SAMMSON: variants seen among roughly 807,000 people sequenced by gnomAD.
SAMMSON encodes the protein survival associated mitochondrial melanoma specific oncogenic non-coding RNA.
At chr3:70,042,829 C>G (rs1478099409) in intron 3 of SAMMSON, among the ~76,000 whole-genome samples, 9 of 151,988 alleles carry the variant, frequency 5.9e-5, no homozygotes, top group African/African-American at 9.7e-5. Context: ...GAAAGGAGTC[C>G]AAAATAGCTG....
intron 3 of SAMMSON, among the ~76,000 whole-genome samples, chr3:70,022,937 A>G (rs747709528): frequency 2.0e-5 from 3 of 152,180 alleles, no homozygotes; most frequent in Non-Finnish European, 4.4e-5. Context: ...GTGAAGAAAA[A>G]GTTGGGTTGG....
At chr3:70,073,338 C>T (rs150061790) in intron 4 of SAMMSON, among the ~76,000 whole-genome samples, 2,319 of 152,010 alleles carry the variant, frequency 0.015, 32 homozygotes, top group Middle Eastern at 0.051. Flanking sequence ...ATATTCAAGC[C>T]GTGGAGAAAA....
At chr3:70,335,127 A>G (rs879054376) in intron 7 of SAMMSON, among the ~76,000 whole-genome samples, 2 of 151,854 alleles carry the variant, frequency 1.3e-5, no homozygotes, top group African/African-American at 2.4e-5. Context: ...CATTCTTTAG[A>G]TAAGTAAACA....
intron 6 of SAMMSON, among the ~76,000 whole-genome samples, chr3:70,268,248 A>AT (rs1369942784): frequency 6.6e-6 from 1 of 152,084 alleles, no homozygotes; most frequent in Non-Finnish European, 1.5e-5. Flanking sequence ...AGGCAGGCAG[A>AT]TTGCCTGAGC....
chr3:70,072,737 C>T (rs1458486024), intron 4 of SAMMSON: 6 of 148,260 alleles, frequency 4.0e-5, no homozygotes, highest in Non-Finnish European at 6.0e-5. Flanking sequence ...AAACAAATGA[C>T]AAAGTTAGCA....
At chr3:70,040,812 A>G (rs2067103410) in intron 3 of SAMMSON, among the ~76,000 whole-genome samples, 1 of 152,130 alleles carries the variant, frequency 6.6e-6, no homozygotes, top group Admixed American at 6.6e-5. Flanking sequence ...TCTCAACTTC[A>G]TTTTTGTATG....
chr3:70,305,057 C>T (rs550800583), intron 7 of SAMMSON, among the ~76,000 whole-genome samples: 2 of 152,250 alleles, frequency 1.3e-5, no homozygotes, highest in East Asian at 1.9e-4. Flanking sequence ...AACTTTCCCA[C>T]AGAGAGAACT....
At chr3:70,268,963 C>A (rs1399536788) in intron 6 of SAMMSON, among the ~76,000 whole-genome samples, 2 of 151,826 alleles carry the variant, frequency 1.3e-5, no homozygotes, top group Non-Finnish European at 2.9e-5. Flanking sequence ...TCCTTTGAAC[C>A]AGGAAAAATC....
chr3:70,048,672 A>G (rs1158744507), intron 3 of SAMMSON, among the ~76,000 whole-genome samples: 3 of 152,096 alleles, frequency 2.0e-5, no homozygotes, highest in African/African-American at 2.4e-5. Flanking sequence ...ACCTATAACT[A>G]TTAATATTAT....
intron 9 of SAMMSON, among the ~76,000 whole-genome samples, chr3:70,364,325 G>T (rs1192391295): frequency 6.6e-6 from 1 of 151,870 alleles, no homozygotes; most frequent in African/African-American, 2.4e-5. Context: ...CATTTTAACA[G>T]CCTTATCCTT....
intron 9 of SAMMSON, among the ~76,000 whole-genome samples, chr3:70,360,358 A>G (rs914130037): frequency 1.3e-5 from 2 of 152,214 alleles, no homozygotes; most frequent in Admixed American, 1.3e-4. Flanking sequence ...ACCTTCTTAG[A>G]AACAATGTTA....
chr3:70,143,366 G>A (rs1197804244), intron 4 of SAMMSON, among the ~76,000 whole-genome samples: 1 of 150,050 alleles, frequency 6.7e-6, no homozygotes, highest in Non-Finnish European at 1.5e-5. Context: ...GTATATGTGT[G>A]AATGTGTGTG....
chr3:70,183,813 C>G (rs1340333013), intron 4 of SAMMSON: 1 of 151,998 alleles, frequency 6.6e-6, no homozygotes, highest in Non-Finnish European at 1.5e-5. Flanking sequence ...AAACTGAGAG[C>G]AGTTTAAAAA....
At chr3:70,054,201 C>T (rs2067157801) in intron 3 of SAMMSON, among the ~76,000 whole-genome samples, 1 of 152,010 alleles carries the variant, frequency 6.6e-6, no homozygotes, top group Admixed American at 6.6e-5. Context: ...ATATCTTGCC[C>T]CAGTGACTAC....
At chr3:70,003,142 T>C (rs1331439397) in intron 1 of SAMMSON, among the ~76,000 whole-genome samples, 2 of 152,144 alleles carry the variant, frequency 1.3e-5, no homozygotes, top group African/African-American at 4.8e-5. Context: ...AAAATATATT[T>C]TGTTTTATTT....
At chr3:70,372,066 G>T (rs1409078480) in intron 9 of SAMMSON, among the ~76,000 whole-genome samples, 2 of 151,900 alleles carry the variant, frequency 1.3e-5, no homozygotes, top group Non-Finnish European at 2.9e-5. Context: ...TTCATAAAAT[G>T]CTTTTTATGT....
At chr3:70,338,502 C>A (rs139029690) in intron 7 of SAMMSON, among the ~76,000 whole-genome samples, 4 of 151,918 alleles carry the variant, frequency 2.6e-5, no homozygotes, top group Admixed American at 2.0e-4. Flanking sequence ...TATAGAAAAC[C>A]CCATCATCTC....
chr3:70,108,441 T>TTTTTTTTTTTTTTTTTTTTTTTTTTTTA (rs1553715435), intron 4 of SAMMSON, among the ~76,000 whole-genome samples: 1 of 146,346 alleles, frequency 6.8e-6, no homozygotes, highest in African/African-American at 2.6e-5. Context: ...TTTTTTTTTT[T>TTTTTTTTTTTTTTTTTTTTTTTTTTTTA]ATCATAACTC....
chr3:70,123,870 C>A (rs921141227), intron 4 of SAMMSON, among the ~76,000 whole-genome samples: 1 of 152,178 alleles, frequency 6.6e-6, no homozygotes, highest in African/African-American at 2.4e-5. Flanking sequence ...TTTCCAGAAT[C>A]ATTTTAAGGT....
Sources: gnomAD v4.1 joint callset for allele counts (sites outside exome capture counted in the v4.1 genomes callset) on GRCh38, gnomAD v4.1.1 for gene constraint, MANE v1.5 for transcripts, NCBI Gene and HGNC (gene_info 2026-07-23, HGNC 2026-07-21) for gene names.